The following TMEM67 variants were observed in gnomAD, a reference collection of about 807,000 sequenced individuals.
TMEM67 encodes the protein meckelin.
A neutral mutation model predicts 136.6 loss-of-function variants in TMEM67; 124 were observed. The ratio of observed to expected loss-of-function variants is 0.91; its 90% CI spans 0.78 to 1.05. TMEM67 has a LOEUF of 1.05. Ranked by LOEUF, TMEM67 falls within the 50% of genes least tolerant of loss-of-function variation. TMEM67 has a pLI of 0.00. For missense variants in TMEM67, 1,107 were observed against 1,178.4 expected, an observed-to-expected ratio of 0.94 and a Z score of 0.89; for synonymous variants, 364 against 390.5, an observed-to-expected ratio of 0.93 and a Z score of 0.80.
intron 3 of TMEM67, among the ~76,000 whole-genome samples, chr8:93,761,763 T>C (rs1395765533): frequency 6.6e-6 from 1 of 152,250 alleles, no homozygotes; most frequent in Non-Finnish European, 1.5e-5. Context: ...GTTTATTGAG[T>C]ACCTGCTATT....
Position 93,760,055 on chromosome 8 carries a change from G to T in TMEM67, c.406+1479G>T, listed in dbSNP as rs1391701334. The T allele has an allele frequency of 4.8e-6, 6 of 1,247,286 alleles. No individual in the cohort carries two copies. In the African/African-American group the frequency reaches 7.8e-5, roughly 16 times the overall value. The allele number at this position is 1,247,286 out of a possible 1,614,324, so 77.3% of individuals were successfully genotyped here. On this transcript the variant is annotated intron_variant, in intron 3 of 27. Coordinates refer to ENST00000453321, the MANE Select transcript of TMEM67 (RefSeq NM_153704.6). Reference sequence around the variant, plus strand: ...AGTGAAAATGCATTCTTTATTTTTGGATGGGAAGATTAAATATTAGAAAGA... The same window carrying T: ...AGTGAAAATGCATTCTTTATTTTTGTATGGGAAGATTAAATATTAGAAAGA...
At chr8:93,776,296 A>G (rs1353025898) in intron 7 of TMEM67, among the ~76,000 whole-genome samples, 1 of 152,218 alleles carries the variant, frequency 6.6e-6, no homozygotes, top group Non-Finnish European at 1.5e-5. Context: ...GTCTTCTGCA[A>G]ACAGGGACAA....
At chr8:93,776,442 G>C (rs1018807086) in intron 7 of TMEM67, among the ~76,000 whole-genome samples, 54 of 152,290 alleles carry the variant, frequency 3.5e-4, no homozygotes, top group African/African-American at 1.0e-3. Context: ...TTTTCAAAGG[G>C]AATGCTTCCA....
At chr8:93,832,563 C>T in the TMEM67 span, among the ~76,000 whole-genome samples, 13 of 152,198 alleles carry the variant, frequency 8.5e-5, no homozygotes, top group Non-Finnish European at 1.8e-4. Context: ...CAACTTCAGA[C>T]ATTTCTTTTT....
chr8:93,808,397 T>A (rs1356957520), intron 23 of TMEM67, among the ~76,000 whole-genome samples: 2 of 38,278 alleles, frequency 5.2e-5, no homozygotes, highest in African/African-American at 7.9e-5. Flanking sequence ...ATATTATATA[T>A]AAATATATTT....
the TMEM67 span, among the ~76,000 whole-genome samples, chr8:93,828,571 C>T: frequency 6.6e-6 from 1 of 152,002 alleles, no homozygotes; most frequent in Admixed American, 6.6e-5. Flanking sequence ...AAAACCCCAT[C>T]GCTAATAAAA....
At chr8:93,787,750 C>T in intron 13 of TMEM67, 94 bp from the exon 14 acceptor site, 5 of 986,740 alleles carry the variant, frequency 5.1e-6, no homozygotes, top group Non-Finnish European at 8.1e-6. Context: ...GATCATCAGA[C>T]AATTCATATT....
In TMEM67 at chr8:93,758,521, C is replaced by A. The variant is rs770422265; in HGVS notation, c.351C>A (p.Cys117Ter). 13 of 1,613,948 alleles carry A rather than the reference C, an allele frequency of 8.1e-6. No individual in the cohort carries two copies. The highest frequency in any genetic ancestry group is 1.1e-5 in the Non-Finnish European group (13 of 1,179,922). Reference sequence around the variant, plus strand: ...AAGATGGCTGGAACTGCATTTCTTGCCCTAGTGACTTAACTGCCGAAGGAA... The same window carrying A: ...AAGATGGCTGGAACTGCATTTCTTGACCTAGTGACTTAACTGCCGAAGGAA... ...VTEDGWNCIS[C>*]PSDLTAEGKC... The change falls in exon 3 of 28, where the codon TGC becomes TGA. Residue 117 changes from cysteine (C) to a stop codon, truncating the protein, a stop_gained. Coordinates refer to ENST00000453321, the MANE Select transcript of TMEM67 (RefSeq NM_153704.6). LOFTEE classifies it high-confidence loss of function.
chr8:93,789,593 C>T (rs886586013), intron 14 of TMEM67, among the ~76,000 whole-genome samples: 3 of 149,162 alleles, frequency 2.0e-5, no homozygotes, highest in African/African-American at 4.9e-5. Context: ...TGCAGTGAGC[C>T]GAGAGCACGC....
At chr8:93,755,750 GCTTT>G in intron 1 of TMEM67, 24 bp from the exon 2 acceptor site, 1 of 1,001,050 alleles carries the variant, frequency 1.0e-6, no homozygotes, top group Admixed American at 2.5e-5. Context: ...GATAAAATTG[GCTTT>G]TTTTTTTTTT....
Position 93,795,948 on chromosome 8 carries a change from A to G in TMEM67, c.1821A>G (p.Glu607=). 1 of 1,613,766 alleles carries G rather than the reference A, an allele frequency of 6.2e-7. No homozygotes were observed. Among genetic ancestry groups the G allele is most frequent in the Non-Finnish European group, 8.5e-7 (1 of 1,179,700 alleles). The part of the protein sequence containing the change: ...SVLLPMPIQE[E]RFVTYVGCAF... ...TGCTGCCAATGCCAATTCAGGAAGA[A>G]CGTTTTGTCACTTATGTTGGATGTG... Residue 607 remains glutamate (E), a synonymous_variant, in exon 18 of 28, where the codon GAA becomes GAG. Coordinates refer to ENST00000453321, the MANE Select transcript of TMEM67 (RefSeq NM_153704.6).
At chr8:93,814,655 T>C (rs554893411) in intron 26 of TMEM67, among the ~76,000 whole-genome samples, 1 of 149,482 alleles carries the variant, frequency 6.7e-6, no homozygotes, top group African/African-American at 2.4e-5. Flanking sequence ...TTTCTTTCTT[T>C]TTTTTTTTTT....
intron 26 of TMEM67, among the ~76,000 whole-genome samples, chr8:93,814,135 C>CTTTTTT (rs55774610): frequency 1.6e-5 from 1 of 60,780 alleles, no homozygotes; most frequent in African/African-American, 5.8e-5. Flanking sequence ...TATATGTATA[C>CTTTTTT]TTTTTTTTTT....
In TMEM67 at chr8:93,765,404, A is replaced by G. The variant is rs773992788; in HGVS notation, c.507-2A>G. On this transcript the variant is annotated splice_acceptor_variant, in intron 4 of 27. Coordinates refer to ENST00000453321, the MANE Select transcript of TMEM67 (RefSeq NM_153704.6). LOFTEE classifies it high-confidence loss of function. ...TAAAATTATTTTTGTTATATTGAAC[A>G]GGTGCGTCCGATGTGAGCCAACATT... The G allele has an allele frequency of 1.2e-6, 2 of 1,609,180 alleles. No individual in the cohort carries two copies. Among genetic ancestry groups the G allele is most frequent in the African/African-American group, 2.7e-5 (2 of 74,828 alleles).
intron 26 of TMEM67, chr8:93,811,169 T>G (rs1808683536): frequency 6.6e-6 from 1 of 152,248 alleles, no homozygotes. Context: ...CACAGAAGTC[T>G]GTGCAGGCAC....
At chr8:93,789,098 T>G (rs116045077) in intron 14 of TMEM67, among the ~76,000 whole-genome samples, 1,573 of 152,342 alleles carry the variant, frequency 0.01, 23 homozygotes, top group African/African-American at 0.036. Context: ...ATTTCTTACC[T>G]CCAAACTCTG....
rs538799033 is a variant in TMEM67 at position 93,806,855 on chromosome 8, A to T, written c.2439+1977A>T. On this transcript the variant is annotated intron_variant, in intron 23 of 27. Transcript: ENST00000453321. ...TAGAAATCATCAAAAAGGGAATATT[A>T]ATTGATGTTACTTTATTAATATAGT... Among the ~76,000 whole-genome samples, 5 of 152,278 alleles carry T rather than the reference A, an allele frequency of 3.3e-5. No individual in the cohort carries two copies. In the South Asian group the frequency reaches 6.2e-4, roughly 19 times the overall value.
intron 4 of TMEM67, among the ~76,000 whole-genome samples, chr8:93,764,221 G>A (rs773315758): frequency 6.6e-6 from 1 of 152,130 alleles, no homozygotes; most frequent in African/African-American, 2.4e-5. Context: ...TTCATAGGCT[G>A]TAATGGCTCA....
intron 4 of TMEM67, among the ~76,000 whole-genome samples, 163 bp downstream of exon 4, chr8:93,764,104 G>T (rs574584303): frequency 3.3e-5 from 5 of 152,304 alleles, no homozygotes; most frequent in Admixed American, 3.3e-4. Flanking sequence ...CCCAGAGCGT[G>T]AGACACACTA....
Sources: allele counts gnomAD v4.1 joint callset (sites outside exome capture counted in the v4.1 genomes callset), GRCh38; gene constraint gnomAD v4.1.1; transcripts MANE v1.5; gene names NCBI Gene and HGNC (gene_info 2026-07-23, HGNC 2026-07-21).